ABTB2: variants seen among roughly 807,000 people sequenced by gnomAD.
ABTB2 encodes the protein ankyrin repeat and BTB/POZ domain-containing protein 2.
In ABTB2, 56 loss-of-function variants were observed where a neutral mutation model predicts 104.1. The observed-to-expected ratio is 0.54, with a 90% confidence interval of 0.43 to 0.67. The LOEUF (loss-of-function observed/expected upper bound fraction) is 0.67. Ranked by LOEUF, ABTB2 falls within the 30% of genes least tolerant of loss-of-function variation. ABTB2 has a pLI of 0.00. For missense variants in ABTB2, 1,279 were observed against 1,407.7 expected, an observed-to-expected ratio of 0.91 and a Z score of 1.46; for synonymous variants, 606 against 608.2, an observed-to-expected ratio of 1.00 and a Z score of 0.05.
chr11:34,171,199 T>G, intron 4 of ABTB2, 128 bp from the exon 5 acceptor site: 1 of 985,400 alleles, frequency 1.0e-6, no homozygotes, highest in Non-Finnish European at 1.5e-6. Flanking sequence ...CAGGGAGTTA[T>G]GATCAGATCA....
intron 1 of ABTB2, among the ~76,000 whole-genome samples, chr11:34,312,917 G>A (rs527680883): frequency 7.3e-4 from 111 of 152,252 alleles, no homozygotes; most frequent in African/African-American, 2.5e-3. Context: ...ACTTGTGTTA[G>A]GTTACAAAGC....
At chr11:34,173,763 C>G (rs1044846101) in intron 3 of ABTB2, among the ~76,000 whole-genome samples, 11 of 152,132 alleles carry the variant, frequency 7.2e-5, no homozygotes, top group African/African-American at 2.7e-4. Context: ...GGCTGCACAG[C>G]TAAGAGTCTC....
chr11:34,191,699 A>G (rs1051834602), intron 3 of ABTB2, among the ~76,000 whole-genome samples: 2 of 152,152 alleles, frequency 1.3e-5, no homozygotes, highest in East Asian at 1.9e-4. Context: ...AAGTGTGGGA[A>G]GAAGGACAAA....
chr11:34,228,651 T>A (rs2133055028), intron 1 of ABTB2, among the ~76,000 whole-genome samples: 1 of 152,300 alleles, frequency 6.6e-6, no homozygotes, highest in African/African-American at 2.4e-5. Context: ...ATGCTGAGAT[T>A]ACAGCATGTG....
At chr11:34,161,771 C>G (rs1403254187) in intron 10 of ABTB2, among the ~76,000 whole-genome samples, 1 of 152,180 alleles carries the variant, frequency 6.6e-6, no homozygotes, top group African/African-American at 2.4e-5. Context: ...GCTTCTTACC[C>G]CAACCTCACT....
chr11:34,200,993 G>A (rs552863884), intron 2 of ABTB2, among the ~76,000 whole-genome samples: 1 of 152,194 alleles, frequency 6.6e-6, no homozygotes, highest in South Asian at 2.1e-4. Context: ...TTTAAAAATC[G>A]GGCTTGCATT....
intron 1 of ABTB2, among the ~76,000 whole-genome samples, chr11:34,249,701 G>A (rs1038545689): frequency 7.9e-5 from 12 of 152,308 alleles, no homozygotes; most frequent in African/African-American, 2.2e-4. Flanking sequence ...CTGGAGTGCC[G>A]TGGTGTAATC....
chr11:34,354,615 T>A (rs1438580462), intron 1 of ABTB2, among the ~76,000 whole-genome samples: 1 of 152,202 alleles, frequency 6.6e-6, no homozygotes, highest in Non-Finnish European at 1.5e-5. Flanking sequence ...GACATCTGTT[T>A]TCTAGCAGCT....
At chr11:34,320,631 T>G (rs941534383) in intron 1 of ABTB2, among the ~76,000 whole-genome samples, 4 of 152,186 alleles carry the variant, frequency 2.6e-5, no homozygotes, top group Non-Finnish European at 5.9e-5. Flanking sequence ...TTCTCTCACC[T>G]AACCTTCACG....
At chr11:34,161,785 G>A (rs952769374) in intron 10 of ABTB2, among the ~76,000 whole-genome samples, 21 of 152,178 alleles carry the variant, frequency 1.4e-4, no homozygotes, top group Admixed American at 9.2e-4. Context: ...CCTCACTGTG[G>A]ATCAAAGAAC....
chr11:34,172,377 A>G (rs1253881069), intron 4 of ABTB2, among the ~76,000 whole-genome samples: 1 of 15,734 alleles, frequency 6.4e-5, no homozygotes, highest in East Asian at 8.6e-3. Flanking sequence ...GTCTCAAAAA[A>G]AAAAAAAAAA....
At chr11:34,231,108 G>A (rs1853764102) in intron 1 of ABTB2, among the ~76,000 whole-genome samples, 1 of 152,200 alleles carries the variant, frequency 6.6e-6, no homozygotes, top group Non-Finnish European at 1.5e-5. Flanking sequence ...CAGAAAATGA[G>A]CTTGGAGCAT....
intron 1 of ABTB2, among the ~76,000 whole-genome samples, chr11:34,286,443 C>T (rs1854507448): frequency 6.6e-6 from 1 of 152,018 alleles, no homozygotes; most frequent in South Asian, 2.1e-4. Context: ...CAGGCACCCG[C>T]CACCACACCC....
At chr11:34,296,647 T>A (rs1453938419) in intron 1 of ABTB2, among the ~76,000 whole-genome samples, 1 of 152,150 alleles carries the variant, frequency 6.6e-6, no homozygotes, top group Non-Finnish European at 1.5e-5. Context: ...GAGGCCAGCA[T>A]CTTCCAGGAA....
chr11:34,171,210 G>T, intron 4 of ABTB2, 139 bp from the exon 5 acceptor site: 1 of 835,828 alleles, frequency 1.2e-6, no homozygotes, highest in Non-Finnish European at 1.8e-6. Flanking sequence ...GATCAGATCA[G>T]CAATTACTGT....
At chr11:34,264,051 C>G (rs1345570298) in intron 1 of ABTB2, among the ~76,000 whole-genome samples, 1 of 152,078 alleles carries the variant, frequency 6.6e-6, no homozygotes, top group Non-Finnish European at 1.5e-5. Flanking sequence ...GGTAAGTTTC[C>G]CAATGTTTTC....
chr11:34,326,301 C>T (rs1470640131), intron 1 of ABTB2, among the ~76,000 whole-genome samples: 8 of 152,082 alleles, frequency 5.3e-5, no homozygotes, highest in Non-Finnish European at 1.2e-4. Context: ...AGTCAAAACA[C>T]ATAATAGATA....
At chr11:34,254,166 C>T (rs760688079) in intron 1 of ABTB2, among the ~76,000 whole-genome samples, 14 of 152,124 alleles carry the variant, frequency 9.2e-5, no homozygotes, top group Non-Finnish European at 1.8e-4. Flanking sequence ...GGTATTATTA[C>T]CCCCATTTGT....
At chr11:34,314,451 T>C (rs1395027787) in intron 1 of ABTB2, among the ~76,000 whole-genome samples, 1 of 152,214 alleles carries the variant, frequency 6.6e-6, no homozygotes, top group African/African-American at 2.4e-5. Context: ...ATTTGTTGCA[T>C]GAAGAAAGGA....
Sources: gnomAD v4.1 joint callset for allele counts (sites outside exome capture counted in the v4.1 genomes callset) on GRCh38, gnomAD v4.1.1 for gene constraint, MANE v1.5 for transcripts, NCBI Gene and HGNC (gene_info 2026-07-23, HGNC 2026-07-21) for gene names.